The following DSCAM variants were observed in gnomAD, a reference collection of about 807,000 sequenced individuals.
DSCAM encodes cell adhesion molecule DSCAM.
DSCAM carries 47 observed loss-of-function variants against 217.7 expected under a neutral mutation model. The ratio of observed to expected loss-of-function variants is 0.22; its 90% CI spans 0.17 to 0.28. The LOEUF is 0.28. DSCAM is among the 10% of genes least tolerant of loss of function. DSCAM has a pLI of 1.00. For synonymous variants in DSCAM, 1,056 were observed against 1,015.3 expected (o/e 1.04, Z -0.76); for missense variants, 2,080 against 2,618.3 (o/e 0.79, Z 4.49).
At chr21:40,501,587 G>A (rs761822638) in intron 3 of DSCAM, among the ~76,000 whole-genome samples, 10 of 152,160 alleles carry the variant, frequency 6.6e-5, no homozygotes, top group Non-Finnish European at 1.3e-4. Flanking sequence ...ATTAAGCTTC[G>A]TATTCTTTTA....
At chr21:40,297,851 T>G (rs1361822371) in intron 9 of DSCAM, among the ~76,000 whole-genome samples, 1 of 152,198 alleles carries the variant, frequency 6.6e-6, no homozygotes, top group East Asian at 1.9e-4. Flanking sequence ...GTTAAACACA[T>G]TGGCTTGGTG....
At chr21:40,196,285 G>A (rs562287537) in intron 11 of DSCAM, among the ~76,000 whole-genome samples, 165 of 152,274 alleles carry the variant, frequency 1.1e-3, no homozygotes, top group African/African-American at 3.8e-3. Context: ...GCTGGGACTG[G>A]GCAGGACCCT....
intron 3 of DSCAM, among the ~76,000 whole-genome samples, chr21:40,650,306 T>C (rs1379168810): frequency 6.6e-6 from 1 of 152,326 alleles, no homozygotes; most frequent in Non-Finnish European, 1.5e-5. Flanking sequence ...GACAAGGTAG[T>C]TATCAATTTC....
intron 3 of DSCAM, among the ~76,000 whole-genome samples, chr21:40,493,871 A>T (rs1304198692): frequency 7.4e-6 from 1 of 134,692 alleles, no homozygotes; most frequent in East Asian, 2.2e-4. Context: ...CTCAAAAAAA[A>T]AAAAAAAAAT....
chr21:40,586,339 C>T (rs148085596), intron 3 of DSCAM, among the ~76,000 whole-genome samples: 15 of 152,294 alleles, frequency 9.8e-5, no homozygotes, highest in South Asian at 6.2e-4. Context: ...CCCAGTCTCA[C>T]GTAATCCTTT....
rs549976933 is a variant in DSCAM, at chr21:40,259,086, ATT to A, written c.2356+17009_2356+17010del. Among the ~76,000 whole-genome samples, 14 of 152,340 alleles carry A rather than the reference ATT, an allele frequency of 9.2e-5. No homozygotes were observed. In the East Asian group the frequency reaches 2.7e-3, roughly 29 times the overall value. On this transcript the variant is annotated intron_variant, in intron 11 of 32. Coordinates refer to ENST00000400454, the MANE Select transcript of DSCAM (RefSeq NM_001389.5). The stretch of plus-strand genomic sequence containing the variant: ...ACGTCTGGAAAGACAACTGTGATAT[ATT>A]GTCAACTTAAAAAGCAAATGCATAC...
chr21:40,527,066 T>G (rs1379848784), intron 3 of DSCAM, among the ~76,000 whole-genome samples: 4 of 152,196 alleles, frequency 2.6e-5, no homozygotes, highest in African/African-American at 9.7e-5. Flanking sequence ...CTGGCCTCTG[T>G]GTCTCTTTAG....
chr21:40,614,158 C>G (rs1405406911), intron 3 of DSCAM, among the ~76,000 whole-genome samples: 3 of 152,306 alleles, frequency 2.0e-5, no homozygotes, highest in Admixed American at 1.3e-4. Flanking sequence ...CAGCCCCAGG[C>G]CTCAGTCATG....
intron 3 of DSCAM, among the ~76,000 whole-genome samples, chr21:40,648,014 C>A (rs2089967808): frequency 6.6e-6 from 1 of 152,082 alleles, no homozygotes. Flanking sequence ...TAACTTGGTG[C>A]ATGCAACAGC....
At chr21:40,512,970 G>A (rs192677704) in intron 3 of DSCAM, among the ~76,000 whole-genome samples, 2 of 152,244 alleles carry the variant, frequency 1.3e-5, no homozygotes, top group East Asian at 3.9e-4. Flanking sequence ...TGCAATCTCT[G>A]CTCACCGCAA....
chr21:40,610,108 G>A (rs776181946), intron 3 of DSCAM, among the ~76,000 whole-genome samples: 4 of 152,142 alleles, frequency 2.6e-5, no homozygotes, highest in Non-Finnish European at 5.9e-5. Flanking sequence ...CGAACATCTC[G>A]AGGATTCTGG....
intron 3 of DSCAM, among the ~76,000 whole-genome samples, chr21:40,370,996 A>T (rs2074892134): frequency 6.6e-6 from 1 of 152,330 alleles, no homozygotes; most frequent in African/African-American, 2.4e-5. Flanking sequence ...CAAAGAACAC[A>T]GATGTGAAAA....
chr21:40,161,047 T>C (rs1036069534), intron 16 of DSCAM, among the ~76,000 whole-genome samples: 1 of 151,826 alleles, frequency 6.6e-6, no homozygotes, highest in South Asian at 2.1e-4. Context: ...CCAGCCTGCC[T>C]GAGCATCAGA....
At chr21:40,281,427 A>C (rs1430560224) in intron 10 of DSCAM, among the ~76,000 whole-genome samples, 1 of 152,182 alleles carries the variant, frequency 6.6e-6, no homozygotes. Context: ...CGTTGCAATG[A>C]ATGTCTCCAC....
intron 3 of DSCAM, among the ~76,000 whole-genome samples, chr21:40,508,242 T>A (rs912545350): frequency 6.6e-6 from 1 of 152,128 alleles, no homozygotes; most frequent in Non-Finnish European, 1.5e-5. Flanking sequence ...CGAAAGCAAA[T>A]CACCATTGCT....
intron 2 of DSCAM, among the ~76,000 whole-genome samples, chr21:40,706,819 A>T (rs781106471): frequency 1.4e-4 from 21 of 152,240 alleles, no homozygotes; most frequent in Non-Finnish European, 2.8e-4. Context: ...AGCAAAATGA[A>T]ATCAGGAGAG....
chr21:40,672,565 T>C, intron 3 of DSCAM, among the ~76,000 whole-genome samples: 1 of 152,182 alleles, frequency 6.6e-6, no homozygotes, highest in East Asian at 1.9e-4. Flanking sequence ...CAGAGTAGTA[T>C]ATTCAAGGAA....
intron 1 of DSCAM, among the ~76,000 whole-genome samples, chr21:40,804,641 G>A (rs1209674005): frequency 1.3e-5 from 2 of 151,992 alleles, no homozygotes; most frequent in African/African-American, 2.4e-5. Flanking sequence ...CTTGGTTTTC[G>A]ACTACTTATC....
chr21:40,795,795 A>G (rs1289876122), intron 1 of DSCAM, among the ~76,000 whole-genome samples: 1 of 152,230 alleles, frequency 6.6e-6, no homozygotes, highest in Non-Finnish European at 1.5e-5. Context: ...CTGATTGTGT[A>G]GTAATCCAGT....
Sources: allele counts gnomAD v4.1 joint callset (sites outside exome capture counted in the v4.1 genomes callset), GRCh38; gene constraint gnomAD v4.1.1; transcripts MANE v1.5; gene names NCBI Gene and HGNC (gene_info 2026-07-23, HGNC 2026-07-21).